Variants in NETO1 observed in about 807,000 individuals in gnomAD.
NETO1 encodes neuropilin and tolloid like 1, also known as neuropilin and tolloid-like protein 1.
A neutral mutation model predicts 61.3 loss-of-function variants in NETO1; 26 were observed. The observed-to-expected ratio is 0.42, with a 90% CI of 0.31 to 0.59. The LOEUF (loss-of-function observed/expected upper bound fraction) is 0.59. NETO1 is among the 20% of genes least tolerant of loss of function. NETO1 has a pLI of 0.12. For synonymous variants in NETO1, 225 were observed against 225.8 expected (o/e 1.00, Z 0.03); for missense variants, 531 against 662.8 (o/e 0.80, Z 2.18).
chr18:72,827,090 CTTTTTT>C, intron 4 of NETO1, among the ~76,000 whole-genome samples: 1 of 142,738 alleles, frequency 7.0e-6, no homozygotes, highest in Admixed American at 6.9e-5. Flanking sequence ...TCAATGCTTT[CTTTTTT>C]TTTTTTTTCC....
intron 7 of NETO1, among the ~76,000 whole-genome samples, chr18:72,762,362 C>T (rs2071005804): frequency 1.3e-5 from 2 of 152,112 alleles, no homozygotes. Flanking sequence ...TGAAAACTCA[C>T]ATACCAATGC....
At chr18:72,750,016 C>A in intron 9 of NETO1, 46 bp downstream of exon 9, 1 of 1,326,706 alleles carries the variant, frequency 7.5e-7, no homozygotes, top group Non-Finnish European at 1.0e-6. Context: ...GGAAGTATTT[C>A]AGTCTTCAGG....
chr18:72,792,102 A>T (rs2072138991), intron 6 of NETO1, among the ~76,000 whole-genome samples: 1 of 152,268 alleles, frequency 6.6e-6, no homozygotes. Context: ...GATACATTCA[A>T]GAAAAAAGTC....
Position 72,858,843 on chromosome 18 carries a change from C to A in NETO1, c.452G>T (p.Arg151Leu). 6.2e-7 allele frequency: 1 copy of A among 1,610,458 alleles called. No homozygotes were observed. Among genetic ancestry groups the A allele is most frequent in the Non-Finnish European group, 8.5e-7 (1 of 1,178,640 alleles). The change falls in exon 4 of 11, where the codon CGA becomes CTA. Residue 151 changes from arginine (R) to leucine (L), a missense_variant. Physicochemically the swap from Arg to Leu is moderately radical, Grantham distance 102 (BLOSUM62 -2). Transcript: ENST00000327305. ...TTACTTACCAGGTGTGAAATTGTAT[C>A]GAGCTGAAAATCCCATAGATTCCAG... ...GELESMGFSA[R>L]YNFTPDPDFK...
At chr18:72,847,087 G>A (rs571975805) in intron 4 of NETO1, among the ~76,000 whole-genome samples, 220 of 152,318 alleles carry the variant, frequency 1.4e-3, no homozygotes, top group Middle Eastern at 3.4e-3. Flanking sequence ...GCTTTGAAGT[G>A]CAAATTTCTG....
intron 4 of NETO1, among the ~76,000 whole-genome samples, chr18:72,812,620 T>G (rs944972899): frequency 6.6e-6 from 1 of 152,316 alleles, no homozygotes; most frequent in South Asian, 2.1e-4. Context: ...GTATATTTTC[T>G]TTTTTAGTAA....
chr18:72,864,664 G>T, intron 3 of NETO1, 144 bp downstream of exon 3: 1 of 1,073,602 alleles, frequency 9.3e-7, no homozygotes, highest in Non-Finnish European at 1.4e-6. Context: ...AGATTTTACA[G>T]TTATTGATTC....
chr18:72,814,682 A>C (rs558891352), intron 4 of NETO1, among the ~76,000 whole-genome samples: 3 of 152,094 alleles, frequency 2.0e-5, no homozygotes, highest in Non-Finnish European at 4.4e-5. Flanking sequence ...AGAATTATGC[A>C]AATTCAAAAC....
At chr18:72,788,339 C>A (rs905617428) in intron 6 of NETO1, among the ~76,000 whole-genome samples, 2 of 152,048 alleles carry the variant, frequency 1.3e-5, no homozygotes, top group Admixed American at 6.6e-5. Flanking sequence ...AGAGAATATA[C>A]TTTACTGGGT....
intron 8 of NETO1, among the ~76,000 whole-genome samples, chr18:72,755,088 A>G (rs2070742945): frequency 6.6e-6 from 1 of 152,212 alleles, no homozygotes. Context: ...CATTTGTTGC[A>G]TGTCAAATAT....
At chr18:72,749,270 A>G (rs2070511446) in intron 9 of NETO1, among the ~76,000 whole-genome samples, 182 bp from the exon 10 acceptor site, 1 of 152,202 alleles carries the variant, frequency 6.6e-6, no homozygotes, top group South Asian at 2.1e-4. Flanking sequence ...TGAATGGAGA[A>G]AGTATGTCAC....
At chr18:72,866,216 C>CG (rs1159240039) in intron 1 of NETO1, among the ~76,000 whole-genome samples, 1 of 152,076 alleles carries the variant, frequency 6.6e-6, no homozygotes, top group Non-Finnish European at 1.5e-5. Flanking sequence ...AAAATGAATT[C>CG]GGGGGAGAGA....
intron 7 of NETO1, among the ~76,000 whole-genome samples, chr18:72,766,701 T>C (rs2071173533): frequency 6.6e-6 from 1 of 152,174 alleles, no homozygotes; most frequent in Non-Finnish European, 1.5e-5. Context: ...CCAATCTTTG[T>C]GCAAAAATTA....
At chr18:72,829,767 A>G (rs1301206875) in intron 4 of NETO1, among the ~76,000 whole-genome samples, 1 of 152,202 alleles carries the variant, frequency 6.6e-6, no homozygotes, top group Admixed American at 6.5e-5. Flanking sequence ...GAGGGAGTAC[A>G]GTGTTCACGC....
chr18:72,837,455 C>G (rs1258035160), intron 4 of NETO1, among the ~76,000 whole-genome samples: 1 of 152,078 alleles, frequency 6.6e-6, no homozygotes, highest in Non-Finnish European at 1.5e-5. Flanking sequence ...GTGACTAAAC[C>G]TAATTAATCA....
At chr18:72,857,175 G>A (rs1486882919) in intron 4 of NETO1, among the ~76,000 whole-genome samples, 4 of 152,152 alleles carry the variant, frequency 2.6e-5, no homozygotes, top group African/African-American at 4.8e-5. Flanking sequence ...TAGTTGATCT[G>A]AGTAAAAACA....
intron 7 of NETO1, among the ~76,000 whole-genome samples, chr18:72,765,673 T>A (rs911851424): frequency 2.0e-5 from 3 of 152,070 alleles, no homozygotes; most frequent in African/African-American, 7.2e-5. Flanking sequence ...CACCTTGGCC[T>A]CCCAAAGTGC....
At chr18:72,840,875 G>A (rs1051380144) in intron 4 of NETO1, among the ~76,000 whole-genome samples, 22 of 152,134 alleles carry the variant, frequency 1.4e-4, no homozygotes, top group African/African-American at 5.1e-4. Context: ...ACAGGTGAAC[G>A]TCAACTATCA....
At chr18:72,790,458 T>C (rs2072077623) in intron 6 of NETO1, among the ~76,000 whole-genome samples, 1 of 152,162 alleles carries the variant, frequency 6.6e-6, no homozygotes, top group Non-Finnish European at 1.5e-5. Context: ...CCAGCTCTGT[T>C]GCTAACTAGC....
Sources: gnomAD v4.1 joint callset for allele counts (sites outside exome capture counted in the v4.1 genomes callset) on GRCh38, gnomAD v4.1.1 for gene constraint, MANE v1.5 for transcripts, NCBI Gene and HGNC (gene_info 2026-07-23, HGNC 2026-07-21) for gene names.